DHX9: variants seen among roughly 807,000 people sequenced by gnomAD.
DHX9 encodes the protein DExH-box helicase 9, also known as ATP-dependent RNA helicase A.
Under a neutral mutation model 148.7 loss-of-function variants are expected in DHX9, and 27 were observed. The observed-to-expected ratio is 0.18, with a 90% confidence interval of 0.13 to 0.25. The LOEUF (loss-of-function observed/expected upper bound fraction) is 0.25, where lower values mean the gene tolerates loss of function less well. Ranked by LOEUF, DHX9 falls within the 10% of genes least tolerant of loss-of-function variation. The probability of loss-of-function intolerance (pLI) is 1.00; values close to 1 mark genes in which losing one functional copy is unlikely to be tolerated. For missense variants in DHX9, 796 were observed against 1,559.6 expected, an observed-to-expected ratio of 0.51 and a Z score of 8.25; for synonymous variants, 529 against 516.6, an observed-to-expected ratio of 1.02 and a Z score of -0.33.
At position 182,879,456 on chromosome 1, in the gene DHX9, A is replaced by G. The variant is rs377196179; in HGVS notation, c.2512+46A>G. The stretch of plus-strand genomic sequence containing the variant: ...ACTTGACGCAGATATTAATCATACC[A>G]TCTGTCTTGTTCTGGCAGATAACAC... On this transcript the variant is annotated intron_variant, in intron 21 of 27. Coordinates refer to ENST00000367549, the MANE Select transcript of DHX9 (RefSeq NM_001357.5). The G allele has an allele frequency of 9.4e-6, 13 of 1,383,732 alleles. No individual in the cohort carries two copies. In the African/African-American group the frequency reaches 1.3e-4, roughly 14 times the overall value. The allele number at this position is 1,383,732 out of a possible 1,614,324, so 85.7% of individuals were successfully genotyped here. A position where few individuals can be genotyped will look rare whatever the true frequency, so the allele number is the denominator to read the frequency against.
chr1:182,860,864 C>T (rs910884734), intron 12 of DHX9, among the ~76,000 whole-genome samples: 1 of 152,186 alleles, frequency 6.6e-6, no homozygotes, highest in Non-Finnish European at 1.5e-5. Context: ...TTAAACAGTT[C>T]CGTTGGCTCT....
intron 12 of DHX9, among the ~76,000 whole-genome samples, chr1:182,866,043 G>C (rs1398216614): frequency 1.3e-5 from 2 of 152,206 alleles, no homozygotes; most frequent in African/African-American, 4.8e-5. Context: ...TGAGCAGAAA[G>C]GTGGTCACAG....
chr1:182,883,421 C>T (rs868297617), intron 25 of DHX9, 53 bp downstream of exon 25: 1 of 1,581,170 alleles, frequency 6.3e-7, no homozygotes, highest in Non-Finnish European at 8.7e-7. Context: ...TCTTTACAAT[C>T]ATTAGGAACA....
intron 5 of DHX9, among the ~76,000 whole-genome samples, 193 bp downstream of exon 5, chr1:182,853,611 G>C (rs1181692389): frequency 6.6e-6 from 1 of 152,048 alleles, no homozygotes; most frequent in Non-Finnish European, 1.5e-5. Flanking sequence ...ATTGCCTATG[G>C]AGGAAAAAAA....
chr1:182,840,012 C>T (rs1249738573), intron 1 of DHX9: 3 of 152,296 alleles, frequency 2.0e-5, no homozygotes, highest in East Asian at 1.9e-4. Context: ...CCTGCAGAAG[C>T]GGAAGGGATT....
chr1:182,856,299 C>T (rs1668250028), intron 6 of DHX9, among the ~76,000 whole-genome samples: 1 of 152,184 alleles, frequency 6.6e-6, no homozygotes, highest in African/African-American at 2.4e-5. Flanking sequence ...TAACGTTTTC[C>T]TTTCATGAAC....
intron 3 of DHX9, among the ~76,000 whole-genome samples, chr1:182,844,288 A>G (rs796228241): frequency 5.9e-5 from 9 of 152,298 alleles, no homozygotes; most frequent in African/African-American, 1.9e-4. Context: ...ATTTTATGCA[A>G]TGGAGTATTT....
In DHX9 at chr1:182,876,818, C is replaced by T. The variant is rs770329900; in HGVS notation, c.2125-12C>T. 4 of 1,601,368 alleles carry T rather than the reference C, an allele frequency of 2.5e-6. No individual in the cohort carries two copies. Among genetic ancestry groups the T allele is most frequent in the Non-Finnish European group, 3.4e-6 (4 of 1,172,464 alleles). On this transcript the variant is annotated splice_polypyrimidine_tract_variant and intron_variant, in intron 18 of 27. Transcript: ENST00000367549. ...GAATATTTTCTGGAGTGTAATTTTTCTTTCTTCACAGGTTATTTTGTCCAC... is the reference window on the plus strand; with the variant it reads ...GAATATTTTCTGGAGTGTAATTTTTTTTTCTTCACAGGTTATTTTGTCCAC...
At chr1:182,841,206 G>T (rs901201308) in intron 1 of DHX9, among the ~76,000 whole-genome samples, 1 of 151,990 alleles carries the variant, frequency 6.6e-6, no homozygotes, top group Non-Finnish European at 1.5e-5. Flanking sequence ...CAGGAGAATC[G>T]CTTGAACCTG....
intron 15 of DHX9, among the ~76,000 whole-genome samples, chr1:182,873,104 C>T (rs1465803837): frequency 6.6e-6 from 1 of 152,050 alleles, no homozygotes; most frequent in East Asian, 1.9e-4. Flanking sequence ...TACAGGCGCA[C>T]AACACCACGC....
At chr1:182,843,981 CAG>C (rs1245873967) in intron 3 of DHX9, among the ~76,000 whole-genome samples, 1 of 152,288 alleles carries the variant, frequency 6.6e-6, no homozygotes, top group Non-Finnish European at 1.5e-5. Context: ...TGTTTTGAGG[CAG>C]AGTCTTGCAC....
At chr1:182,865,942 A>G (rs1267400529) in intron 12 of DHX9, among the ~76,000 whole-genome samples, 2 of 152,204 alleles carry the variant, frequency 1.3e-5, no homozygotes, top group African/African-American at 2.4e-5. Flanking sequence ...TTTTCCTGCT[A>G]TGTGAGCTCA....
intron 14 of DHX9, among the ~76,000 whole-genome samples, chr1:182,868,320 G>T (rs1648391162): frequency 6.6e-6 from 1 of 151,982 alleles, no homozygotes; most frequent in South Asian, 2.1e-4. Flanking sequence ...AAGCAAATCT[G>T]ATCTGTGGTG....
chr1:182,852,220 T>C lies in DHX9; in HGVS notation c.253-13T>C, dbSNP rs376338478. ...AAAAGCACTGACAGCTGCCTTGACTTTTTCTTTTGCAGGTAGCATCTCCGC... is the reference window on the plus strand; with the variant it reads ...AAAAGCACTGACAGCTGCCTTGACTCTTTCTTTTGCAGGTAGCATCTCCGC... On this transcript the variant is annotated splice_polypyrimidine_tract_variant and intron_variant, in intron 3 of 27. Transcript: ENST00000367549. 2.0e-5 allele frequency: 32 copies of C among 1,588,722 alleles called. No individual in the cohort carries two copies. Among genetic ancestry groups the C allele is most frequent in the Non-Finnish European group, 2.7e-5 (31 of 1,166,994 alleles).
intron 15 of DHX9, among the ~76,000 whole-genome samples, chr1:182,873,068 A>G (rs2102613530): frequency 6.6e-6 from 1 of 152,170 alleles, no homozygotes; most frequent in Admixed American, 6.5e-5. Context: ...CAGTCCTCCC[A>G]TCTCAGCTTC....
intron 3 of DHX9, among the ~76,000 whole-genome samples, chr1:182,849,955 C>A (rs573350032): frequency 1.5e-5 from 2 of 135,866 alleles, no homozygotes; most frequent in South Asian, 2.4e-4. Flanking sequence ...ATCAAAAAAA[C>A]TGGTTCATTG....
At chr1:182,859,571 A>G (rs1358316527) in intron 11 of DHX9, among the ~76,000 whole-genome samples, 3 of 152,148 alleles carry the variant, frequency 2.0e-5, no homozygotes, top group African/African-American at 4.8e-5. Context: ...CACTAAGCCA[A>G]TGGAAATGAG....
Position 182,883,564 on chromosome 1 carries a change from C to T in DHX9, c.3189C>T (p.Thr1063=), listed in dbSNP as rs1342686767. ...AISAKGMTLV[T]PLQLLLFASK... is the part of the protein sequence containing the mutation. ...CTGCTAAAGGCATGACTTTAGTCAC[C>T]CCCCTGCAGTTGCTTCTCTTTGCCT... Residue 1063 remains threonine (T), a synonymous_variant, in exon 26 of 28, where the codon ACC becomes ACT. Transcript: ENST00000367549. 6.2e-7 allele frequency: 1 copy of T among 1,613,522 alleles called. No homozygotes were observed. The highest frequency in any genetic ancestry group is 8.5e-7 in the Non-Finnish European group (1 of 1,179,970).
At chr1:182,858,019 A>G in intron 7 of DHX9, 85 bp from the exon 8 acceptor site, 1 of 1,400,402 alleles carries the variant, frequency 7.1e-7, no homozygotes, top group South Asian at 1.4e-5. Flanking sequence ...CTTCTTGTGT[A>G]CGTAAGCCCA....
Sources: allele counts gnomAD v4.1 joint callset (sites outside exome capture counted in the v4.1 genomes callset), GRCh38; gene constraint gnomAD v4.1.1; transcripts MANE v1.5; gene names NCBI Gene and HGNC (gene_info 2026-07-23, HGNC 2026-07-21).